Variants in TAF3 observed in about 807,000 individuals in gnomAD.
The protein encoded by TAF3 is TATA-box binding protein associated factor 3.
In TAF3, 7 loss-of-function variants were observed where a neutral mutation model predicts 80.6. The observed-to-expected ratio is 0.09, with a 90% CI of 0.05 to 0.16. TAF3 has a LOEUF of 0.16. Among genes scored for constraint, TAF3 ranks in the 10% least tolerant of loss-of-function variants. The pLI is 1.00. For synonymous variants in TAF3, 444 were observed against 446.1 expected, an observed-to-expected ratio of 1.00 and a Z score of 0.06; for missense variants, 921 against 1,140.2, an observed-to-expected ratio of 0.81 and a Z score of 2.77.
chr10:7,945,076 A>T (rs971082314), intron 2 of TAF3, among the ~76,000 whole-genome samples: 1 of 152,166 alleles, frequency 6.6e-6, no homozygotes, highest in African/African-American at 2.4e-5. Context: ...TTGGTAGTAA[A>T]CTGCACAAAA....
At chr10:7,843,646 C>CTT (rs34180336) in intron 2 of TAF3, among the ~76,000 whole-genome samples, 24,854 of 142,402 alleles carry the variant, frequency 0.17, 2,281 homozygotes, top group Admixed American at 0.23. Context: ...CTTTCTCACT[C>CTT]TTTTTTTTTT....
chr10:7,843,931 T>C (rs1484600944), intron 2 of TAF3, among the ~76,000 whole-genome samples: 1 of 152,196 alleles, frequency 6.6e-6, no homozygotes, highest in Non-Finnish European at 1.5e-5. Context: ...TATATGGAAG[T>C]GATTACAATT....
intron 2 of TAF3, among the ~76,000 whole-genome samples, chr10:7,928,542 G>T (rs1411656582): frequency 6.6e-6 from 1 of 152,190 alleles, no homozygotes; most frequent in African/African-American, 2.4e-5. Context: ...ACTCAAGGGT[G>T]TCATTATCAA....
chr10:7,871,266 T>C (rs113329426), intron 2 of TAF3, among the ~76,000 whole-genome samples: 1,655 of 152,164 alleles, frequency 0.011, 21 homozygotes, highest in Middle Eastern at 0.031. Flanking sequence ...ATATTAGTAA[T>C]GATGGCTATT....
chr10:8,001,852 T>TAAAGC (rs2131435692), intron 4 of TAF3, among the ~76,000 whole-genome samples: 1 of 152,322 alleles, frequency 6.6e-6, no homozygotes, highest in East Asian at 1.9e-4. Flanking sequence ...TATTGCATAG[T>TAAAGC]AAAGCACATG....
intron 2 of TAF3, among the ~76,000 whole-genome samples, chr10:7,889,483 T>A (rs1242539707): frequency 5.3e-5 from 8 of 152,196 alleles, no homozygotes; most frequent in Non-Finnish European, 7.3e-5. Flanking sequence ...TAATTGGCCC[T>A]TGGTCACAGA....
At chr10:7,935,940 G>A (rs992898126) in intron 2 of TAF3, among the ~76,000 whole-genome samples, 1 of 152,182 alleles carries the variant, frequency 6.6e-6, no homozygotes, top group African/African-American at 2.4e-5. Context: ...AGCCCTGCGT[G>A]GAGGAGTAGA....
chr10:7,938,660 A>G (rs564093132), intron 2 of TAF3, among the ~76,000 whole-genome samples: 14 of 152,342 alleles, frequency 9.2e-5, no homozygotes, highest in Non-Finnish European at 1.5e-4. Flanking sequence ...CAAGATGCCT[A>G]GTAGGAAATG....
chr10:8,008,587 T>A (rs1370708188), intron 4 of TAF3, among the ~76,000 whole-genome samples: 2 of 152,208 alleles, frequency 1.3e-5, no homozygotes, highest in Admixed American at 1.3e-4. Context: ...TTATGGTAAT[T>A]AACAACCCAA....
At chr10:7,889,425 C>T (rs1233823200) in intron 2 of TAF3, among the ~76,000 whole-genome samples, 2 of 152,214 alleles carry the variant, frequency 1.3e-5, no homozygotes, top group African/African-American at 4.8e-5. Context: ...AAATACTATT[C>T]ACATCTGTCT....
At chr10:7,822,778 T>C (rs1038792877) in intron 1 of TAF3, among the ~76,000 whole-genome samples, 6 of 152,222 alleles carry the variant, frequency 3.9e-5, no homozygotes, top group Non-Finnish European at 8.8e-5. Context: ...CTTTAGGCTA[T>C]TGAAAATCAG....
intron 2 of TAF3, among the ~76,000 whole-genome samples, chr10:7,844,840 A>T (rs1836953841): frequency 6.6e-6 from 1 of 151,554 alleles, no homozygotes; most frequent in African/African-American, 2.4e-5. Context: ...GTTCCTGTGT[A>T]TTTTTTGTAT....
At chr10:7,860,956 G>A (rs979148698) in intron 2 of TAF3, among the ~76,000 whole-genome samples, 2 of 151,222 alleles carry the variant, frequency 1.3e-5, no homozygotes, top group African/African-American at 4.9e-5. Flanking sequence ...CCACCACCAT[G>A]CCCAGCTAAT....
intron 4 of TAF3, among the ~76,000 whole-genome samples, chr10:7,985,971 A>G (rs1427671807): frequency 2.0e-5 from 3 of 151,518 alleles, no homozygotes; most frequent in African/African-American, 2.4e-5. Context: ...TTTAGTAGAG[A>G]CAGGGTTTCG....
At chr10:7,986,135 T>A (rs1831775215) in intron 4 of TAF3, among the ~76,000 whole-genome samples, 1 of 152,032 alleles carries the variant, frequency 6.6e-6, no homozygotes, top group African/African-American at 2.4e-5. Flanking sequence ...ATGGACTTAT[T>A]TTTTTTCCCC....
chr10:7,908,514 A>G (rs1227792908), intron 2 of TAF3, among the ~76,000 whole-genome samples: 1 of 152,146 alleles, frequency 6.6e-6, no homozygotes, highest in Non-Finnish European at 1.5e-5. Flanking sequence ...CACCTTATAA[A>G]TGTCATCTGG....
At chr10:7,988,583 AAAAAAAAAAAAAAAAAAAG>A in intron 4 of TAF3, among the ~76,000 whole-genome samples, 1 of 118,316 alleles carries the variant, frequency 8.5e-6, no homozygotes, top group Middle Eastern at 4.5e-3. Context: ...AAAAAAAAAA[AAAAAAAAAAAAAAAAAAAG>A]AAGCCAGATA....
intron 3 of TAF3, among the ~76,000 whole-genome samples, chr10:7,971,611 A>T (rs998701381): frequency 1.3e-5 from 2 of 152,232 alleles, no homozygotes; most frequent in African/African-American, 4.8e-5. Flanking sequence ...GTTCCAAGAT[A>T]GAATTTAAAT....
intron 2 of TAF3, among the ~76,000 whole-genome samples, chr10:7,836,277 G>A (rs145300604): frequency 3.0e-5 from 4 of 134,342 alleles, no homozygotes; most frequent in Admixed American, 1.7e-4. Context: ...CCATTTCCAC[G>A]TTTTCTTTTT....
Sources: allele counts gnomAD v4.1 joint callset (sites outside exome capture counted in the v4.1 genomes callset), GRCh38; gene constraint gnomAD v4.1.1; transcripts MANE v1.5; gene names NCBI Gene and HGNC (gene_info 2026-07-23, HGNC 2026-07-21).